Variants in RBMS3 observed in about 807,000 individuals in gnomAD.
RBMS3 encodes RNA binding motif single stranded interacting protein 3.
A neutral mutation model predicts 66.8 loss-of-function variants in RBMS3; 27 were observed. The observed-to-expected ratio is 0.40, with a 90% CI of 0.30 to 0.56. RBMS3 has a LOEUF of 0.56. RBMS3 is among the 20% of genes least tolerant of loss of function. RBMS3 has a pLI of 0.40. For missense variants in RBMS3, 513 were observed against 549.5 expected (o/e 0.93, Z 0.66); for synonymous variants, 188 against 183.0 (o/e 1.03, Z -0.22).
At chr3:29,649,703 A>G (rs529661509) in intron 4 of RBMS3, among the ~76,000 whole-genome samples, 1 of 152,220 alleles carries the variant, frequency 6.6e-6, no homozygotes. Context: ...ACACATTGTC[A>G]TTCATGAAAC....
At chr3:29,373,878 A>G (rs2038332508) in intron 1 of RBMS3, among the ~76,000 whole-genome samples, 1 of 152,188 alleles carries the variant, frequency 6.6e-6, no homozygotes, top group Admixed American at 6.5e-5. Context: ...GTTTAGAGCT[A>G]GAGGCATAAT....
At chr3:29,741,398 C>T (rs1187676268) in intron 5 of RBMS3, among the ~76,000 whole-genome samples, 1 of 152,202 alleles carries the variant, frequency 6.6e-6, no homozygotes, top group Non-Finnish European at 1.5e-5. Context: ...CCAATGCAGT[C>T]ATTCTTATAT....
intron 4 of RBMS3, among the ~76,000 whole-genome samples, chr3:29,686,050 G>A (rs955258179): frequency 5.3e-5 from 8 of 152,126 alleles, no homozygotes; most frequent in Admixed American, 4.6e-4. Flanking sequence ...ACTTTACTAT[G>A]GTAAGCACTT....
chr3:29,592,829 T>TA (rs566542621), intron 4 of RBMS3, among the ~76,000 whole-genome samples: 1 of 151,510 alleles, frequency 6.6e-6, no homozygotes, highest in Admixed American at 6.6e-5. Context: ...TATGCAGCCA[T>TA]AAAAAAGGAT....
chr3:29,902,286 C>T (rs1280442712), intron 10 of RBMS3, among the ~76,000 whole-genome samples: 2 of 151,748 alleles, frequency 1.3e-5, no homozygotes, highest in Non-Finnish European at 2.9e-5. Flanking sequence ...AAAGAGCACT[C>T]AATAAATTAT....
intron 7 of RBMS3, among the ~76,000 whole-genome samples, chr3:29,876,705 G>T (rs1415817162): frequency 6.6e-6 from 1 of 152,038 alleles, no homozygotes; most frequent in Non-Finnish European, 1.5e-5. Flanking sequence ...GAATAGAATA[G>T]AAATATTCCC....
chr3:29,391,823 T>C (rs1338220084), intron 1 of RBMS3, among the ~76,000 whole-genome samples: 2 of 152,180 alleles, frequency 1.3e-5, no homozygotes, highest in Non-Finnish European at 2.9e-5. Context: ...TATAAAAATA[T>C]GATTATTTTT....
At chr3:29,284,360 T>G (rs2125410425) in intron 1 of RBMS3, among the ~76,000 whole-genome samples, 1 of 152,276 alleles carries the variant, frequency 6.6e-6, no homozygotes, top group South Asian at 2.1e-4. Flanking sequence ...TTACTATCAT[T>G]AGTTTTTTGG....
intron 1 of RBMS3, among the ~76,000 whole-genome samples, chr3:29,298,473 T>G (rs2033441244): frequency 1.3e-5 from 2 of 151,952 alleles, no homozygotes. Context: ...ATACTTACCT[T>G]TGCTTCCCTT....
At chr3:29,940,270 A>G (rs1405779252) in intron 11 of RBMS3, among the ~76,000 whole-genome samples, 3 of 151,872 alleles carry the variant, frequency 2.0e-5, no homozygotes, top group African/African-American at 7.2e-5. Flanking sequence ...CAGGTAGTCA[A>G]TCTAAAACTA....
chr3:29,827,894 G>A (rs2058250638), intron 6 of RBMS3, among the ~76,000 whole-genome samples: 1 of 152,136 alleles, frequency 6.6e-6, no homozygotes, highest in Non-Finnish European at 1.5e-5. Flanking sequence ...TAAATTTGTG[G>A]ATCACAGTAA....
At chr3:29,633,932 A>G (rs543269618) in intron 4 of RBMS3, among the ~76,000 whole-genome samples, 4 of 151,948 alleles carry the variant, frequency 2.6e-5, no homozygotes, top group Admixed American at 2.6e-4. Flanking sequence ...TTTTTCTAAA[A>G]GAGCATTTAG....
At chr3:29,818,250 T>C (rs1382313509) in intron 6 of RBMS3, among the ~76,000 whole-genome samples, 1 of 152,108 alleles carries the variant, frequency 6.6e-6, no homozygotes, top group African/African-American at 2.4e-5. Context: ...TTTTCTCTTC[T>C]ACTGACAGTA....
chr3:29,618,078 G>T (rs374922760), intron 4 of RBMS3, among the ~76,000 whole-genome samples: 1 of 152,130 alleles, frequency 6.6e-6, no homozygotes, highest in Non-Finnish European at 1.5e-5. Context: ...AAATACACTG[G>T]TTGCTTGTTT....
intron 4 of RBMS3, among the ~76,000 whole-genome samples, chr3:29,637,157 T>G (rs2049507315): frequency 6.6e-6 from 1 of 151,910 alleles, no homozygotes; most frequent in African/African-American, 2.4e-5. Context: ...TGTGAGTTTA[T>G]TTCTACTTAA....
At chr3:29,687,874 C>T (rs113656060) in intron 4 of RBMS3, among the ~76,000 whole-genome samples, 25 of 152,060 alleles carry the variant, frequency 1.6e-4, no homozygotes, top group African/African-American at 5.3e-4. Flanking sequence ...ATTATTAGAC[C>T]CATGAACTGA....
chr3:29,469,319 A>G (rs796535047), intron 2 of RBMS3, among the ~76,000 whole-genome samples: 1 of 152,110 alleles, frequency 6.6e-6, no homozygotes. Flanking sequence ...TGTGTTCTGC[A>G]TGCTTCAATG....
At chr3:29,731,112 C>A in intron 4 of RBMS3, 1 of 816,728 alleles carries the variant, frequency 1.2e-6, no homozygotes, top group Non-Finnish European at 1.5e-6. Context: ...AAAGCCAGCC[C>A]AAGCCTTAAA....
chr3:29,632,708 A>G (rs533742788), intron 4 of RBMS3, among the ~76,000 whole-genome samples: 1 of 152,034 alleles, frequency 6.6e-6, no homozygotes, highest in African/African-American at 2.4e-5. Flanking sequence ...TAAGAACACC[A>G]AAAGGTAACT....
Sources: gnomAD v4.1 joint callset for allele counts (sites outside exome capture counted in the v4.1 genomes callset) on GRCh38, gnomAD v4.1.1 for gene constraint, MANE v1.5 for transcripts, NCBI Gene and HGNC (gene_info 2026-07-23, HGNC 2026-07-21) for gene names.